TMEM132B: variants seen among roughly 807,000 people sequenced by gnomAD.
TMEM132B encodes transmembrane protein 132B.
In TMEM132B, 18 loss-of-function variants were observed where a neutral mutation model predicts 90.8. The ratio of observed to expected loss-of-function variants is 0.20; its 90% CI spans 0.14 to 0.29. The LOEUF (loss-of-function observed/expected upper bound fraction) is 0.29, where lower values mean the gene tolerates loss of function less well. Ranked by LOEUF, TMEM132B falls within the 10% of genes least tolerant of loss-of-function variation. The probability of loss-of-function intolerance (pLI) is 1.00; values close to 1 mark genes in which losing one functional copy is unlikely to be tolerated. For missense variants in TMEM132B, 1,096 were observed against 1,326.8 expected (o/e 0.83, Z 2.70); for synonymous variants, 504 against 523.3 (o/e 0.96, Z 0.50).
At chr12:125,289,972 A>G (rs1875488424) in intron 1 of TMEM132B, among the ~76,000 whole-genome samples, 2 of 152,140 alleles carry the variant, frequency 1.3e-5, no homozygotes, top group African/African-American at 4.8e-5. Flanking sequence ...CAATCCCCCA[A>G]TTATAATCCA....
chr12:125,533,562 G>T (rs1003060549), intron 4 of TMEM132B, among the ~76,000 whole-genome samples: 2 of 152,228 alleles, frequency 1.3e-5, no homozygotes, highest in African/African-American at 4.8e-5. Flanking sequence ...GGTCGCGATG[G>T]CATTTTGATT....
At position 125,575,083 on chromosome 12, in the gene TMEM132B, T is replaced by TATATATATATATATATATATATATA. The variant is rs61155232; in HGVS notation, c.1294-8768_1294-8767insATATATATATATATATATATATATA. ...ATATATATATATATATATATATATA[T>TATATATATATATATATATATATATA]TCAGGAGTAGAATTGCTAGGTCATA... On this transcript the variant is annotated intron_variant, in intron 4 of 8. Transcript: ENST00000682704. Among the ~76,000 whole-genome samples, 1,004 of 114,300 alleles carry TATATATATATATATATATATATATA rather than the reference T, an allele frequency of 8.8e-3. 1 individual carries two copies. Among genetic ancestry groups the TATATATATATATATATATATATATA allele is most frequent in the Non-Finnish European group, 0.013 (670 of 52,170 alleles). The allele number at this position is 114,300 out of a possible 152,430, so 75.0% of individuals were successfully genotyped here.
At chr12:125,600,376 T>C (rs539989626) in intron 5 of TMEM132B, among the ~76,000 whole-genome samples, 1 of 152,316 alleles carries the variant, frequency 6.6e-6, no homozygotes, top group East Asian at 1.9e-4. Context: ...CCATTTCTTT[T>C]GTACCACCTG....
chr12:125,598,760 G>A (rs1453150687), intron 5 of TMEM132B, among the ~76,000 whole-genome samples: 1 of 152,144 alleles, frequency 6.6e-6, no homozygotes, highest in East Asian at 1.9e-4. Flanking sequence ...GCGCCTCAGA[G>A]TCTGAGGTAA....
At position 125,653,801 on chromosome 12, in the gene TMEM132B, T is replaced by G. The variant is rs541267029; in HGVS notation, c.2343T>G (p.Ser781Arg). 1 of 1,613,870 alleles carries G rather than the reference T, an allele frequency of 6.2e-7. No homozygotes were observed. The highest frequency in any genetic ancestry group is 2.2e-5 in the East Asian group (1 of 44,858). Residue 781 changes from serine to arginine, a missense_variant, in exon 9 of 9, where the codon AGT (serine) becomes AGG (arginine). By Grantham distance (110) the Ser-to-Arg change is moderately radical. Coordinates refer to ENST00000682704, the MANE Select transcript of TMEM132B (RefSeq NM_001366854.1). ...CTTGTCAGAAGACCAAGAGGAAGAG[T>G]GTTCTTGCCGTGGGTAAAGGAAATG... Reference protein sequence around the residue: ...SEPCQKTKRKSVLAVGKGNVK... With the variant: ...SEPCQKTKRKRVLAVGKGNVK...
intron 1 of TMEM132B, among the ~76,000 whole-genome samples, chr12:125,259,736 T>A (rs186555506): frequency 6.6e-6 from 1 of 152,266 alleles, no homozygotes; most frequent in Admixed American, 6.5e-5. Flanking sequence ...TAAATCTTGC[T>A]TGTTTATGGG....
At chr12:125,524,637 A>G (rs1323877338) in intron 4 of TMEM132B, among the ~76,000 whole-genome samples, 1 of 152,244 alleles carries the variant, frequency 6.6e-6, no homozygotes. Flanking sequence ...TACTGCATGC[A>G]CTCAATAATG....
rs1280291163 is a variant in TMEM132B, at chr12:125,652,519, C to G, written c.1993C>G (p.Leu665Val). ...GGATGACCGAGTCACCATCGCGGAG[C>G]TGGGAGTGCAGCTCGTAGCTGGCAT... is the stretch of plus-strand genomic sequence containing the variant. ...VLDDRVTIAE[L>V]GVQLVAGMSL... The change falls in exon 8 of 9, where the codon CTG becomes GTG. Residue 665 changes from leucine to valine, a missense_variant. Transcript: ENST00000682704. 6.2e-7 allele frequency: 1 copy of G among 1,613,676 alleles called. No homozygotes were observed. Among genetic ancestry groups the G allele is most frequent in the African/African-American group, 1.3e-5 (1 of 74,922 alleles).
At chr12:125,448,796 A>C (rs1408283153) in intron 3 of TMEM132B, among the ~76,000 whole-genome samples, 1 of 152,190 alleles carries the variant, frequency 6.6e-6, no homozygotes, top group African/African-American at 2.4e-5. Flanking sequence ...ACAGTAATGT[A>C]TGAGAGTTTC....
In TMEM132B at chr12:125,655,662, A is replaced by G. The variant is rs1378591722; in HGVS notation, c.*952A>G. The G allele has an allele frequency of 6.6e-6, 1 of 152,232 alleles. No individual in the cohort carries two copies. Among genetic ancestry groups the G allele is most frequent in the African/African-American group, 2.4e-5 (1 of 41,472 alleles). The allele number at this position is 152,232 out of a possible 1,614,324, so 9.4% of individuals were successfully genotyped here. ...AAAAGGCCCCAACATAGCTGTATTTATACAAGTGCTTTGTGGCCAACACAA... is the reference window on the plus strand; with the variant it reads ...AAAAGGCCCCAACATAGCTGTATTTGTACAAGTGCTTTGTGGCCAACACAA... On this transcript the variant is annotated 3_prime_UTR_variant, in exon 9 of 9. Coordinates refer to ENST00000682704, the MANE Select transcript of TMEM132B (RefSeq NM_001366854.1).
intron 1 of TMEM132B, among the ~76,000 whole-genome samples, chr12:125,307,007 C>A (rs1404620569): frequency 2.0e-5 from 3 of 152,338 alleles, no homozygotes; most frequent in Non-Finnish European, 4.4e-5. Flanking sequence ...CTTCTTGGGA[C>A]CTCCTCCTTT....
intron 8 of TMEM132B, 112 bp from the exon 9 acceptor site, chr12:125,653,453 C>A: frequency 1.6e-6 from 2 of 1,218,198 alleles, no homozygotes; most frequent in Non-Finnish European, 2.2e-6. Context: ...GATTATAAAA[C>A]TATAGAAATC....
intron 1 of TMEM132B, among the ~76,000 whole-genome samples, chr12:125,342,844 T>C (rs893005064): frequency 1.3e-5 from 2 of 152,226 alleles, no homozygotes; most frequent in Admixed American, 1.3e-4. Context: ...TTTGCTTGCC[T>C]GTCTGTAGTG....
rs184825609 is a variant in TMEM132B, at chr12:125,238,009, T to A, written c.67+51143T>A. 6.6e-5 allele frequency among the ~76,000 whole-genome samples: 10 copies of A among 152,262 alleles called. 1 individual carries two copies. In the East Asian group the frequency reaches 1.9e-3, roughly 29 times the overall value. ...CTTTAGTGTATGTCACCAGAGAAGGTCACAAAAGCCCAAGATCCAGGGAGC... is the reference window on the plus strand; with the variant it reads ...CTTTAGTGTATGTCACCAGAGAAGGACACAAAAGCCCAAGATCCAGGGAGC... On this transcript the variant is annotated intron_variant, in intron 1 of 8. Transcript: ENST00000682704.
intron 3 of TMEM132B, among the ~76,000 whole-genome samples, chr12:125,474,467 A>T (rs1463461346): frequency 6.6e-6 from 1 of 151,944 alleles, no homozygotes; most frequent in Non-Finnish European, 1.5e-5. Context: ...CAAATATTTT[A>T]TTTGTAGAGA....
At chr12:125,312,617 C>T (rs951354785) in intron 1 of TMEM132B, among the ~76,000 whole-genome samples, 7 of 152,188 alleles carry the variant, frequency 4.6e-5, no homozygotes, top group South Asian at 2.1e-4. Flanking sequence ...GCCTGCTGGG[C>T]TGATGGATGG....
chr12:125,380,505 A>G (rs1328389607), intron 2 of TMEM132B, among the ~76,000 whole-genome samples: 1 of 152,164 alleles, frequency 6.6e-6, no homozygotes, highest in East Asian at 1.9e-4. Context: ...CCTCAGATGA[A>G]TCACCTCCCA....
intron 4 of TMEM132B, among the ~76,000 whole-genome samples, chr12:125,565,819 G>T (rs532654461): frequency 6.6e-6 from 1 of 152,328 alleles, no homozygotes; most frequent in South Asian, 2.1e-4. Context: ...TACAGGACAG[G>T]GGGGCATGGA....
chr12:125,658,676 A>G lies in TMEM132B; in HGVS notation c.*3966A>G, dbSNP rs780041005. 3.9e-5 allele frequency: 6 copies of G among 152,242 alleles called. No individual in the cohort carries two copies. Among genetic ancestry groups the G allele is most frequent in the Non-Finnish European group, 8.8e-5 (6 of 68,042 alleles). 9.4% of individuals were successfully genotyped at this position (152,242 alleles called of 1,614,324 possible). The stretch of plus-strand genomic sequence containing the variant: ...GATTGCAGATATTTTTGTATGTAAT[A>G]TAGGCAATATAATGAAACACCGAGT... On this transcript the variant is annotated 3_prime_UTR_variant, in exon 9 of 9. Transcript: ENST00000682704.
Sources: allele counts gnomAD v4.1 joint callset (sites outside exome capture counted in the v4.1 genomes callset), GRCh38; gene constraint gnomAD v4.1.1; transcripts MANE v1.5; gene names NCBI Gene and HGNC (gene_info 2026-07-23, HGNC 2026-07-21).